Variants in SEMA6C observed in about 807,000 individuals in gnomAD.
The protein encoded by SEMA6C is semaphorin-6C.
Under a neutral mutation model 72.9 loss-of-function variants are expected in SEMA6C, and 37 were observed. The ratio of observed to expected loss-of-function variants is 0.51; its 90% CI spans 0.39 to 0.67. SEMA6C has a LOEUF of 0.67. Among genes scored for constraint, SEMA6C ranks in the 30% least tolerant of loss-of-function variants. The pLI is 0.00. For synonymous variants in SEMA6C, 578 were observed against 554.1 expected (o/e 1.04, Z -0.61); for missense variants, 1,189 against 1,263.6 (o/e 0.94, Z 0.89).
intron 16 of SEMA6C, 56 bp from the exon 17 acceptor site, chr1:151,134,731 C>G: frequency 6.2e-7 from 1 of 1,612,644 alleles, no homozygotes; most frequent in Non-Finnish European, 8.5e-7. Flanking sequence ...ATCTCCCACT[C>G]TGGCCCTCAG....
At position 151,138,159 on chromosome 1, in the gene SEMA6C, C is replaced by T; in HGVS notation, c.548-54G>A. 7 of 1,602,654 alleles carry T rather than the reference C, an allele frequency of 4.4e-6. No homozygotes were observed. The South Asian group carries it at 5.6e-5, about 13-fold the overall frequency. ...GGAGGGCTCAGGGATCTGTATCCTG[C>T]CTCTTCTTGGGCCTCCTGCACCCCT... On this transcript the variant is annotated intron_variant, in intron 8 of 18. Transcript: ENST00000368914.
intron 3 of SEMA6C, among the ~76,000 whole-genome samples, chr1:151,141,648 T>A (rs1028352741): frequency 6.6e-6 from 1 of 151,614 alleles, no homozygotes; most frequent in African/African-American, 2.4e-5. Context: ...TGACCTCAGG[T>A]GATCCGCCTA....
chr1:151,137,203 T>G lies in SEMA6C; in HGVS notation c.757-129A>C, dbSNP rs1027730714. The G allele has an allele frequency of 3.1e-5, 23 of 731,180 alleles. No homozygotes were observed. The African/African-American group carries it at 4.0e-4, about 13-fold the overall frequency. 45.3% of individuals were successfully genotyped at this position (731,180 alleles called of 1,614,324 possible). A position where few individuals can be genotyped will look rare whatever the true frequency, so the allele number is the denominator to read the frequency against. On this transcript the variant is annotated intron_variant, in intron 10 of 18. Coordinates refer to ENST00000368914, the MANE Select transcript of SEMA6C (RefSeq NM_030913.6). ...GCTCACGCCTGTAATCCCAACACTT[T>G]GGGAGGCTGAGGTGGGTGGATCACG...
In SEMA6C at chr1:151,135,617, T is replaced by C; in HGVS notation, c.1407A>G (p.Glu469=). ...GGGCAGGGCTGTAGGCATCAATCTC[T>C]TCCAGGAGGATGGGCTCAGGTCCCC... ...RSGGPEPILL[E]EIDAYSPARC... is the part of the protein sequence containing the mutation. Residue 469 remains glutamate, a synonymous_variant, in exon 14 of 19, where the codon GAA becomes GAG. Coordinates refer to ENST00000368914, the MANE Select transcript of SEMA6C (RefSeq NM_030913.6). 6.2e-7 allele frequency: 1 copy of C among 1,614,102 alleles called. No homozygotes were observed. The highest frequency in any genetic ancestry group is 8.5e-7 in the Non-Finnish European group (1 of 1,179,958).
intron 3 of SEMA6C, among the ~76,000 whole-genome samples, chr1:151,140,791 G>T (rs1245863139): frequency 1.3e-5 from 2 of 152,018 alleles, no homozygotes; most frequent in East Asian, 3.8e-4. Flanking sequence ...TCAGGAGATC[G>T]AGACCATCCT....
In SEMA6C at chr1:151,137,526, G is replaced by A. The variant is rs191596806; in HGVS notation, c.756+185C>T. 1.5e-3 allele frequency among the ~76,000 whole-genome samples: 221 copies of A among 151,718 alleles called. 1 individual carries two copies. The highest frequency in any genetic ancestry group is 2.8e-3 in the Non-Finnish European group (188 of 67,940). On this transcript the variant is annotated intron_variant, in intron 10 of 18. Coordinates refer to ENST00000368914, the MANE Select transcript of SEMA6C (RefSeq NM_030913.6). Reference sequence around the variant, plus strand: ...AGGGTATGGCATGGTAGGTCAACTTGGGTCAAGGGTGAGGGACAAGCAGGA... The same window carrying A: ...AGGGTATGGCATGGTAGGTCAACTTAGGTCAAGGGTGAGGGACAAGCAGGA...
rs781217179 is a variant in SEMA6C at position 151,143,549 on chromosome 1, G to A, written c.-55+836C>T. Among the ~76,000 whole-genome samples the A allele has an allele frequency of 1.8e-4, 28 of 152,242 alleles. 1 individual carries two copies. Among genetic ancestry groups the A allele is most frequent in the African/African-American group, 6.5e-4 (27 of 41,532 alleles). On this transcript the variant is annotated intron_variant, in intron 2 of 18. Coordinates refer to ENST00000368914, the MANE Select transcript of SEMA6C (RefSeq NM_030913.6). Reference sequence around the variant, plus strand: ...AGTGAAGCAAAATGGCTAAACGTGCGCCTCTCTCCCTTCCTTCCCTCATCT... The same window carrying A: ...AGTGAAGCAAAATGGCTAAACGTGCACCTCTCTCCCTTCCTTCCCTCATCT...
chr1:151,132,529 G>A lies in SEMA6C; in HGVS notation c.2748C>T (p.Pro916=). 6.4e-7 allele frequency: 1 copy of A among 1,550,432 alleles called. No individual in the cohort carries two copies. The highest frequency in any genetic ancestry group is 8.7e-7 in the Non-Finnish European group (1 of 1,146,818). ...CGTTCGGGACGGCCTGGCGGGAGGA[G>A]GGCCCGACGAGGGGAGGCTTCAGGG... ...QLSLKPPLVG[P]SSRQAVPNGG... The change falls in exon 19 of 19, where the codon CCC becomes CCT. Residue 916 remains proline, a synonymous_variant. Transcript: ENST00000368914.
At chr1:151,140,697 CATTT>C (rs1222092631) in intron 3 of SEMA6C, among the ~76,000 whole-genome samples, 1 of 152,182 alleles carries the variant, frequency 6.6e-6, no homozygotes, top group Admixed American at 6.6e-5. Context: ...AATGATTTAA[CATTT>C]ATAATGTGCT....
At chr1:151,144,187 C>T (rs368540293) in intron 2 of SEMA6C, among the ~76,000 whole-genome samples, 198 bp downstream of exon 2, 7 of 152,266 alleles carry the variant, frequency 4.6e-5, no homozygotes, top group Non-Finnish European at 1.0e-4. Context: ...GAGAAAGGGA[C>T]GTAGCTTGTC....
chr1:151,139,606 A>G, intron 5 of SEMA6C, 32 bp downstream of exon 5: 1 of 1,605,660 alleles, frequency 6.2e-7, no homozygotes. Context: ...CCTCATCTCC[A>G]CGTCTGCACC....
At chr1:151,136,741 A>G in intron 11 of SEMA6C, 116 bp downstream of exon 11, 1 of 1,350,826 alleles carries the variant, frequency 7.4e-7, no homozygotes. Flanking sequence ...CAACACAGCA[A>G]ACTGGCTTTG....
intron 13 of SEMA6C, 43 bp downstream of exon 13, chr1:151,135,968 C>T: frequency 6.2e-7 from 1 of 1,612,016 alleles, no homozygotes. Flanking sequence ...AGGAGGGTGG[C>T]TGAGAACAGG....
rs367798143 is a variant in SEMA6C, at chr1:151,136,919, A to C, written c.912T>G (p.Thr304=). The change falls in exon 11 of 19, where the codon ACT becomes ACG. Residue 304 remains threonine (T), a synonymous_variant. Transcript: ENST00000368914. The part of the protein sequence containing the change: ...TFYFDVLQAL[T]GPVNLHGRSA... ...AGCGGCCATGCAGGTTCACAGGCCC[A>C]GTCAAGGCCTGTAAAACATCAAAAT... 1 of 1,614,146 alleles carries C rather than the reference A, an allele frequency of 6.2e-7. No homozygotes were observed. The highest frequency in any genetic ancestry group is 1.1e-5 in the South Asian group (1 of 91,072).
At position 151,133,212 on chromosome 1, in the gene SEMA6C, C is replaced by T. The variant is rs1246180330; in HGVS notation, c.2065G>A (p.Gly689Ser). The change falls in exon 19 of 19, where the codon GGC (glycine) becomes AGC (serine). Residue 689 changes from glycine (G) to serine (S), a missense_variant. Gly to Ser is a moderately conservative substitution (Grantham distance 56). This residue lies in a region of SEMA6C where 721 missense variants were observed against 686.2 expected (regional missense o/e 1.05). Transcript: ENST00000368914. The surrounding 1 kb of genome is among the most constrained non-coding windows in gnomAD (Gnocchi z 5.9). ...CAGGCCAGCTCCGGCGGGGGCACGCCCTCCGGAGGCGGCAGGAAGGTGGTG... is the reference window on the plus strand; with the variant it reads ...CAGGCCAGCTCCGGCGGGGGCACGCTCTCCGGAGGCGGCAGGAAGGTGGTG... The part of the protein sequence containing the change: ...LYTTFLPPPE[G>S]VPPPELACLP... 1.9e-6 allele frequency: 3 copies of T among 1,574,590 alleles called. No individual in the cohort carries two copies. The highest frequency in any genetic ancestry group is 2.3e-5 in the South Asian group (2 of 88,092).
chr1:151,135,752 G>T lies in SEMA6C; in HGVS notation c.1272C>A (p.Thr424=), dbSNP rs1160367608. The T allele has an allele frequency of 6.2e-7, 1 of 1,613,962 alleles. No homozygotes were observed. The highest frequency in any genetic ancestry group is 1.3e-5 in the African/African-American group (1 of 74,908). ...LLTLTSRALL[T]QVAVDGMAGP... is the part of the protein sequence containing the mutation. ...CAGCCATGCCATCCACAGCTACTTG[G>T]GTCAGTAGGGCCCTGGAGGAAAGGG... The change falls in exon 14 of 19, where the codon ACC becomes ACA. Residue 424 remains threonine, a synonymous_variant. Coordinates refer to ENST00000368914, the MANE Select transcript of SEMA6C (RefSeq NM_030913.6).
intron 16 of SEMA6C, 25 bp downstream of exon 16, chr1:151,134,773 G>A (rs201385998): frequency 6.2e-7 from 1 of 1,613,416 alleles, no homozygotes; most frequent in African/African-American, 1.3e-5. Flanking sequence ...TTTATGCTCA[G>A]GAAACCCAAG....
At position 151,134,785 on chromosome 1, in the gene SEMA6C, A is replaced by T. The variant is rs1268025401; in HGVS notation, c.1658+13T>A. On this transcript the variant is annotated intron_variant, in intron 16 of 18. Coordinates refer to ENST00000368914, the MANE Select transcript of SEMA6C (RefSeq NM_030913.6). ...AATTTTATGCTCAGGAAACCCAAGG[A>T]CCCATCACTTACCCACCAGATCCCC... 1 of 1,613,682 alleles carries T rather than the reference A, an allele frequency of 6.2e-7. No individual in the cohort carries two copies. The highest frequency in any genetic ancestry group is 8.5e-7 in the Non-Finnish European group (1 of 1,179,636).
intron 18 of SEMA6C, 193 bp downstream of exon 18, chr1:151,134,208 A>T: frequency 1.3e-6 from 1 of 748,218 alleles, no homozygotes; most frequent in Non-Finnish European, 2.2e-6. Flanking sequence ...ATCATGCAGG[A>T]CATTGATTTA....
Sources: gnomAD v4.1 joint callset for allele counts (sites outside exome capture counted in the v4.1 genomes callset) on GRCh38, gnomAD v4.1.1 for gene constraint, gnomAD v4.1.1 regional missense constraint, Gnocchi (gnomAD v3.1) non-coding constraint, MANE v1.5 for transcripts, NCBI Gene and HGNC (gene_info 2026-07-23, HGNC 2026-07-21) for gene names.